NUBPL: variants seen among roughly 807,000 people sequenced by gnomAD.
NUBPL encodes the protein iron-sulfur cluster transfer protein NUBPL.
Under a neutral mutation model 45.7 loss-of-function variants are expected in NUBPL, and 31 were observed. The observed-to-expected ratio is 0.68, with a 90% CI of 0.51 to 0.92. NUBPL has a LOEUF of 0.92. Among genes scored for constraint, NUBPL ranks in the 40% least tolerant of loss-of-function variants. The pLI is 0.00. For missense variants in NUBPL, 401 were observed against 398.7 expected (o/e 1.01, Z -0.05); for synonymous variants, 144 against 140.9 (o/e 1.02, Z -0.15).
rs1172794519 is a variant in NUBPL at position 31,795,231 on chromosome 14, A to C, written c.607+7358A>C. On this transcript the variant is annotated intron_variant, in intron 7 of 10. Coordinates refer to ENST00000281081, the MANE Select transcript of NUBPL (RefSeq NM_025152.3). ...GCAATGCAGGCTCTTTTTTGATTCC[A>C]TATGAACTTTAAAGTAGTTTTTTCC... 4.6e-5 allele frequency among the ~76,000 whole-genome samples: 7 copies of C among 151,378 alleles called. No individual in the cohort carries two copies. In the South Asian group the frequency reaches 8.3e-4, roughly 18 times the overall value.
chr14:31,712,293 C>T (rs2037591296), intron 6 of NUBPL, among the ~76,000 whole-genome samples: 1 of 152,234 alleles, frequency 6.6e-6, no homozygotes, highest in Non-Finnish European at 1.5e-5. Flanking sequence ...AGGTCACCAC[C>T]CAACCCAGAA....
chr14:31,842,288 T>C (rs1595701790), intron 8 of NUBPL, among the ~76,000 whole-genome samples: 2 of 152,078 alleles, frequency 1.3e-5, no homozygotes, highest in South Asian at 4.2e-4. Context: ...AAGTGGTATA[T>C]GTGTGGGACG....
At chr14:31,654,418 T>C (rs1473144186) in intron 4 of NUBPL, among the ~76,000 whole-genome samples, 1 of 150,990 alleles carries the variant, frequency 6.6e-6, no homozygotes, top group Non-Finnish European at 1.5e-5. Flanking sequence ...TTTTCTTTTT[T>C]TTTTTTTTGA....
At chr14:31,748,622 T>G (rs916065616) in intron 6 of NUBPL, among the ~76,000 whole-genome samples, 1 of 151,920 alleles carries the variant, frequency 6.6e-6, no homozygotes, top group Non-Finnish European at 1.5e-5. Flanking sequence ...GTTATTTATT[T>G]ATTTATTTGA....
intron 6 of NUBPL, among the ~76,000 whole-genome samples, chr14:31,687,272 G>A (rs1007578191): frequency 3.3e-5 from 5 of 152,120 alleles, no homozygotes; most frequent in African/African-American, 1.2e-4. Context: ...GAAAAAACTT[G>A]CAGATGAACC....
intron 10 of NUBPL, among the ~76,000 whole-genome samples, chr14:31,853,080 G>GTGTTTTGTTGTGTTT (rs1555344279): frequency 1.9e-4 from 22 of 118,300 alleles, no homozygotes; most frequent in South Asian, 2.3e-4. Flanking sequence ...GTGTTGTGTT[G>GTGTTTTGTTGTGTTT]TGTTTTGTTT....
intron 4 of NUBPL, among the ~76,000 whole-genome samples, chr14:31,602,644 A>T (rs1157468125): frequency 6.6e-6 from 1 of 152,168 alleles, no homozygotes; most frequent in Non-Finnish European, 1.5e-5. Context: ...AGACCCCCAT[A>T]TGTAAAATAG....
chr14:31,578,855 G>A (rs2033788374), intron 3 of NUBPL, among the ~76,000 whole-genome samples: 2 of 152,186 alleles, frequency 1.3e-5, no homozygotes, highest in Non-Finnish European at 2.9e-5. Flanking sequence ...CAGTTGAGTT[G>A]GGAGGAAGAA....
chr14:31,800,872 T>C (rs1284982601), intron 7 of NUBPL: 1 of 152,168 alleles, frequency 6.6e-6, no homozygotes, highest in East Asian at 1.9e-4. Context: ...ATTAAAGTGC[T>C]GTATTAGTCA....
chr14:31,765,633 G>A lies in NUBPL; in HGVS notation c.514-22147G>A, dbSNP rs1303200585. Among the ~76,000 whole-genome samples, 12 of 13,008 alleles carry A rather than the reference G, an allele frequency of 9.2e-4. No homozygotes were observed. The Admixed American group carries it at 0.012, about 13-fold the overall frequency. The allele number at this position is 13,008 out of a possible 152,430, so 8.5% of individuals were successfully genotyped here. ...AAATACTTAATTCATAAAAGCAACA[G>A]GTTTTTTTTTTTTTGCCTTAAAACA... On this transcript the variant is annotated intron_variant, in intron 6 of 10. Transcript: ENST00000281081.
intron 6 of NUBPL, among the ~76,000 whole-genome samples, chr14:31,762,403 G>A (rs2038830757): frequency 6.6e-6 from 1 of 152,056 alleles, no homozygotes; most frequent in Non-Finnish European, 1.5e-5. Flanking sequence ...ATGGGTATTT[G>A]GCTTTACTTC....
At chr14:31,669,343 A>G (rs367745409) in intron 4 of NUBPL, among the ~76,000 whole-genome samples, 1 of 152,180 alleles carries the variant, frequency 6.6e-6, no homozygotes, top group African/African-American at 2.4e-5. Context: ...GAGATACACA[A>G]TACCTTATTG....
intron 4 of NUBPL, among the ~76,000 whole-genome samples, chr14:31,608,077 G>C (rs2034650400): frequency 6.6e-6 from 1 of 152,210 alleles, no homozygotes. Flanking sequence ...GGCCAAGAGA[G>C]AATGGCATGA....
At chr14:31,659,020 A>G (rs1200851734) in intron 4 of NUBPL, among the ~76,000 whole-genome samples, 1 of 152,226 alleles carries the variant, frequency 6.6e-6, no homozygotes, top group Non-Finnish European at 1.5e-5. Context: ...GGGAATAGTT[A>G]TGGAGAGCTG....
chr14:31,592,406 G>C (rs909506099), intron 3 of NUBPL, among the ~76,000 whole-genome samples: 3 of 152,136 alleles, frequency 2.0e-5, no homozygotes, highest in African/African-American at 7.2e-5. Flanking sequence ...GAAGGGTTTT[G>C]AGCAGAGTAA....
intron 6 of NUBPL, among the ~76,000 whole-genome samples, chr14:31,750,449 G>A (rs969235939): frequency 7.3e-5 from 11 of 150,528 alleles, no homozygotes; most frequent in East Asian, 1.9e-4. Context: ...CTCCCGCCTC[G>A]GCCTCCCAAA....
intron 7 of NUBPL, among the ~76,000 whole-genome samples, chr14:31,803,101 A>G (rs546489245): frequency 1.3e-5 from 2 of 152,318 alleles, no homozygotes; most frequent in East Asian, 1.9e-4. Flanking sequence ...AGTTTGGACA[A>G]TGGTTTCTGT....
At chr14:31,790,396 A>G (rs78096554) in intron 7 of NUBPL, among the ~76,000 whole-genome samples, 4,973 of 152,266 alleles carry the variant, frequency 0.033, 115 homozygotes, top group Non-Finnish European at 0.053. Context: ...TAGGCAGTTA[A>G]TATTACATGA....
chr14:31,625,276 A>G (rs974675123), intron 4 of NUBPL, among the ~76,000 whole-genome samples: 10 of 152,164 alleles, frequency 6.6e-5, no homozygotes, highest in African/African-American at 2.4e-4. Flanking sequence ...ATTTGACAGT[A>G]TGTTCAAAAT....
Sources: gnomAD v4.1 joint callset for allele counts (sites outside exome capture counted in the v4.1 genomes callset) on GRCh38, gnomAD v4.1.1 for gene constraint, MANE v1.5 for transcripts, NCBI Gene and HGNC (gene_info 2026-07-23, HGNC 2026-07-21) for gene names.